The following KIF26A variants were observed in gnomAD, a reference collection of about 807,000 sequenced individuals.
KIF26A encodes kinesin-like protein KIF26A.
A neutral mutation model predicts 126.0 loss-of-function variants in KIF26A; 74 were observed. The observed-to-expected ratio is 0.59, with a 90% CI of 0.49 to 0.71. The LOEUF (loss-of-function observed/expected upper bound fraction) is 0.71, where lower values mean the gene tolerates loss of function less well. KIF26A is among the 30% of genes least tolerant of loss of function. KIF26A has a pLI of 0.00. For synonymous variants in KIF26A, 1,445 were observed against 1,232.7 expected (o/e 1.17, Z -3.61); for missense variants, 2,984 against 2,763.3 (o/e 1.08, Z -1.79).
At chr14:104,163,355 T>C (rs1253961451) in intron 4 of KIF26A, among the ~76,000 whole-genome samples, 3 of 152,182 alleles carry the variant, frequency 2.0e-5, no homozygotes, top group Non-Finnish European at 4.4e-5. Context: ...CTTCTTGCCC[T>C]GTGGACAGAC....
intron 2 of KIF26A, among the ~76,000 whole-genome samples, chr14:104,145,268 C>T (rs999473827): frequency 3.9e-5 from 6 of 152,238 alleles, no homozygotes; most frequent in African/African-American, 1.2e-4. Context: ...CACGGGCGTG[C>T]CCTGGCCATA....
In KIF26A at chr14:104,176,974, C is replaced by A; in HGVS notation, c.4186C>A (p.Leu1396Ile). 1.3e-6 allele frequency: 2 copies of A among 1,536,728 alleles called. No individual in the cohort carries two copies. Among genetic ancestry groups the A allele is most frequent in the Non-Finnish European group, 1.7e-6 (2 of 1,146,786 alleles). ...GGCGCGGGTCGGGGCTGCTGCTGTC[C>A]TTCGAGGGGAGGAGGAGCCCAGACC... ...NPARVGAAAV[L>I]RGEEEPRPSS... Residue 1396 changes from leucine to isoleucine, a missense_variant, in exon 12 of 15, where the codon CTT (leucine) becomes ATT (isoleucine). By Grantham distance (5) the Leu-to-Ile change is conservative. Coordinates refer to ENST00000423312, the MANE Select transcript of KIF26A (RefSeq NM_015656.2).
At chr14:104,174,380 T>C in intron 11 of KIF26A, 70 bp downstream of exon 11, 1 of 1,399,170 alleles carries the variant, frequency 7.1e-7, no homozygotes, top group Non-Finnish European at 9.4e-7. Context: ...AGGCCTCTGC[T>C]GGCCTGGTTG....
In KIF26A at chr14:104,176,012, TCATCAGCAG is replaced by T. The variant is rs1245724353; in HGVS notation, c.3230_3238del (p.Ser1077_Ile1079del). Reference sequence around the variant, plus strand: ...GCCTCGGGGTCCCGGCCAGTCAGCATCATCAGCAGCATCAATGATGAGTTTGACGCCTAC... The same window carrying T: ...GCCTCGGGGTCCCGGCCAGTCAGCATCATCAATGATGAGTTTGACGCCTAC... On this transcript the variant is annotated inframe_deletion, in exon 12 of 15. Transcript: ENST00000423312. 1 of 1,589,984 alleles carries T rather than the reference TCATCAGCAG, an allele frequency of 6.3e-7. No homozygotes were observed. Among genetic ancestry groups the T allele is most frequent in the Non-Finnish European group, 8.5e-7 (1 of 1,174,050 alleles).
chr14:104,138,931 GC>G, intron 1 of KIF26A, 111 bp from the exon 2 acceptor site: 1 of 1,288,382 alleles, frequency 7.8e-7, no homozygotes. Flanking sequence ...CCAGGGTCGT[GC>G]CCAGGGCTCC....
chr14:104,166,434 G>T (rs1596143869), intron 4 of KIF26A, among the ~76,000 whole-genome samples: 1 of 152,198 alleles, frequency 6.6e-6, no homozygotes, highest in Non-Finnish European at 1.5e-5. Context: ...GGCAGGCCAG[G>T]TGGATGTGCC....
At position 104,176,189 on chromosome 14, in the gene KIF26A, G is replaced by A; in HGVS notation, c.3401G>A (p.Ser1134Asn). The change falls in exon 12 of 15, where the codon AGC (serine) becomes AAC (asparagine). Residue 1134 changes from serine (S) to asparagine (N), a missense_variant. By Grantham distance (46) the Ser-to-Asn change is conservative. Transcript: ENST00000423312. ...SRDPTPQPRF[S>N]PDSLAGLDPG... The stretch of plus-strand genomic sequence containing the variant: ...GACCCCACGCCGCAGCCCCGCTTCA[G>A]CCCCGACTCGCTGGCAGGGCTTGAC... 6.3e-7 allele frequency: 1 copy of A among 1,598,736 alleles called. No individual in the cohort carries two copies. The highest frequency in any genetic ancestry group is 1.7e-4 in the Middle Eastern group (1 of 5,976).
chr14:104,156,130 G>A (rs2037774919), intron 3 of KIF26A, among the ~76,000 whole-genome samples: 1 of 152,230 alleles, frequency 6.6e-6, no homozygotes, highest in South Asian at 2.1e-4. Flanking sequence ...GCCCAGGGGT[G>A]CTCAACCAGA....
intron 2 of KIF26A, among the ~76,000 whole-genome samples, chr14:104,147,853 G>A (rs1169061934): frequency 5.3e-5 from 8 of 152,232 alleles, no homozygotes; most frequent in African/African-American, 7.2e-5. Flanking sequence ...TGCGTGGGTC[G>A]GGGAGGGGCT....
intron 13 of KIF26A, 96 bp downstream of exon 13, chr14:104,178,851 G>A (rs1001889279): frequency 1.4e-6 from 1 of 709,958 alleles, no homozygotes. Context: ...AGGCCTCTGG[G>A]GGTGTGGCTG....
intron 2 of KIF26A, among the ~76,000 whole-genome samples, chr14:104,146,771 A>C (rs1391319711): frequency 1.3e-5 from 2 of 152,136 alleles, no homozygotes; most frequent in African/African-American, 4.8e-5. Context: ...GAGGGTCTCC[A>C]AGGGGTGGGC....
chr14:104,169,125 G>T (rs1271419821), intron 5 of KIF26A, among the ~76,000 whole-genome samples: 1 of 152,224 alleles, frequency 6.6e-6, no homozygotes, highest in Non-Finnish European at 1.5e-5. Flanking sequence ...AGGGCAGGTG[G>T]GTGCTGGGGC....
chr14:104,171,760 C>G lies in KIF26A; in HGVS notation c.1151C>G (p.Ala384Gly). 3 of 1,580,666 alleles carry G rather than the reference C, an allele frequency of 1.9e-6. No individual in the cohort carries two copies. The highest frequency in any genetic ancestry group is 2.6e-6 in the Non-Finnish European group (3 of 1,164,552). Residue 384 changes from alanine to glycine, a missense_variant, in exon 6 of 15, where the codon GCC becomes GGC. Transcript: ENST00000423312. ...VMLRIWPAQGAQRSAEAMSFL... is the reference protein window; with the variant it reads ...VMLRIWPAQGGQRSAEAMSFL... Reference sequence around the variant, plus strand: ...CTGCGGATCTGGCCCGCACAGGGGGCCCAGCGCTCGGCCGAGGCCATGTCC... The same window carrying G: ...CTGCGGATCTGGCCCGCACAGGGGGGCCAGCGCTCGGCCGAGGCCATGTCC...
chr14:104,176,210 T>C lies in KIF26A; in HGVS notation c.3422T>C (p.Leu1141Pro), dbSNP rs918161558. 1.9e-6 allele frequency: 3 copies of C among 1,600,810 alleles called. No homozygotes were observed. Among genetic ancestry groups the C allele is most frequent in the Admixed American group, 1.7e-5 (1 of 58,604 alleles). ...PRFSPDSLAG[L>P]DPGGPPALDG... The stretch of plus-strand genomic sequence containing the variant: ...TTCAGCCCCGACTCGCTGGCAGGGC[T>C]TGACCCTGGGGGCCCCCCTGCCCTG... The change falls in exon 12 of 15, where the codon CTT (leucine) becomes CCT (proline). Residue 1141 changes from leucine to proline, a missense_variant. Transcript: ENST00000423312.
chr14:104,157,975 G>A (rs1596138745), intron 4 of KIF26A, 33 bp downstream of exon 4: 2 of 1,467,498 alleles, frequency 1.4e-6, no homozygotes, highest in Non-Finnish European at 1.8e-6. Flanking sequence ...CAGCCTTGTG[G>A]GCAGGGCCCC....
At chr14:104,161,758 G>T (rs975125564) in intron 4 of KIF26A, among the ~76,000 whole-genome samples, 1 of 152,242 alleles carries the variant, frequency 6.6e-6, no homozygotes. Flanking sequence ...AGCAGGAGGC[G>T]CAGGGGCTGG....
intron 10 of KIF26A, 39 bp from the exon 11 acceptor site, chr14:104,174,109 T>C: frequency 6.7e-7 from 1 of 1,501,742 alleles, no homozygotes; most frequent in Non-Finnish European, 8.9e-7. Context: ...CGAAGCTCCC[T>C]TCCCAAGGCC....
At position 104,176,418 on chromosome 14, in the gene KIF26A, C is replaced by G. The variant is rs1176750164; in HGVS notation, c.3630C>G (p.Leu1210=). The change falls in exon 12 of 15, where the codon CTC becomes CTG. Residue 1210 remains leucine (L), a synonymous_variant. Transcript: ENST00000423312. ...ASAAQTIHSS[L]PRKPRTASAT... Reference sequence around the variant, plus strand: ...CAGCCCAGACCATCCACTCCAGCCTCCCCCGGAAACCGAGGACTGCCTCTG... The same window carrying G: ...CAGCCCAGACCATCCACTCCAGCCTGCCCCGGAAACCGAGGACTGCCTCTG... 2.5e-6 allele frequency: 4 copies of G among 1,592,986 alleles called. No homozygotes were observed. Among genetic ancestry groups the G allele is most frequent in the African/African-American group, 2.7e-5 (2 of 74,550 alleles).
In KIF26A at chr14:104,138,602, G is replaced by T; in HGVS notation, c.-121G>T. 1.3e-6 allele frequency: 1 copy of T among 782,276 alleles called. No individual in the cohort carries two copies. Among genetic ancestry groups the T allele is most frequent in the East Asian group, 4.5e-5 (1 of 22,328 alleles). 48.5% of individuals were successfully genotyped at this position (782,276 alleles called of 1,614,324 possible). A position where few individuals can be genotyped will look rare whatever the true frequency, so the allele number is the denominator to read the frequency against. On this transcript the variant is annotated 5_prime_UTR_variant, in exon 1 of 15. Coordinates refer to ENST00000423312, the MANE Select transcript of KIF26A (RefSeq NM_015656.2). ...TCCTCGCGACACTCGCAGGCTCTGC[G>T]AACTTCCGAGCGGCTGGGCCGGGCC...
Sources: gnomAD v4.1 joint callset for allele counts (sites outside exome capture counted in the v4.1 genomes callset) on GRCh38, gnomAD v4.1.1 for gene constraint, MANE v1.5 for transcripts, NCBI Gene and HGNC (gene_info 2026-07-23, HGNC 2026-07-21) for gene names.